Variants in MED13 observed in about 807,000 individuals in gnomAD.
MED13 encodes mediator of RNA polymerase II transcription subunit 13.
In MED13, 23 loss-of-function variants were observed where a neutral mutation model predicts 225.2. That is an observed-to-expected ratio of 0.10 (90% CI 0.07 to 0.14). The LOEUF (loss-of-function observed/expected upper bound fraction) is 0.14. Ranked by LOEUF, MED13 falls within the 10% of genes least tolerant of loss-of-function variation. The probability of loss-of-function intolerance (pLI) is 1.00; values close to 1 mark genes in which losing one functional copy is unlikely to be tolerated. For missense variants in MED13, 2,197 were observed against 2,594.5 expected, an observed-to-expected ratio of 0.85 and a Z score of 3.33; for synonymous variants, 942 against 889.2, an observed-to-expected ratio of 1.06 and a Z score of -1.06.
chr17:61,996,063 G>A (rs2080344345), intron 9 of MED13, among the ~76,000 whole-genome samples: 1 of 152,104 alleles, frequency 6.6e-6, no homozygotes, highest in Admixed American at 6.6e-5. Context: ...AATGACAGGA[G>A]ATGACAGAAT....
chr17:62,013,953 C>T (rs965290077), intron 8 of MED13, among the ~76,000 whole-genome samples: 22 of 152,050 alleles, frequency 1.4e-4, no homozygotes, highest in Admixed American at 1.1e-3. Flanking sequence ...GCAGAAGAAT[C>T]GCTTCAACCC....
chr17:62,034,156 T>C (rs72843787), intron 4 of MED13, among the ~76,000 whole-genome samples, 172 bp from the exon 5 acceptor site: 5 of 152,310 alleles, frequency 3.3e-5, no homozygotes, highest in Non-Finnish European at 7.3e-5. Flanking sequence ...GAAGATAAAG[T>C]ATGACACTGA....
At position 62,025,641 on chromosome 17, in the gene MED13, G is replaced by A. The variant is rs552916141; in HGVS notation, c.1283+3900C>T. 2.0e-5 allele frequency among the ~76,000 whole-genome samples: 3 copies of A among 152,294 alleles called. No individual in the cohort carries two copies. The East Asian group carries it at 5.8e-4, about 29-fold the overall frequency. The stretch of plus-strand genomic sequence containing the variant: ...GCCGAGATCACACCATTGCACTCCT[G>A]TCTGCGAGATATCGTCTCAAACAAA... On this transcript the variant is annotated intron_variant, in intron 8 of 29. Coordinates refer to ENST00000397786, the MANE Select transcript of MED13 (RefSeq NM_005121.3).
intron 16 of MED13, among the ~76,000 whole-genome samples, chr17:61,974,804 G>C (rs1408410394): frequency 6.6e-6 from 1 of 151,976 alleles, no homozygotes; most frequent in African/African-American, 2.4e-5. Flanking sequence ...CTAAATATAA[G>C]AGCTAAAACT....
rs778769358 is a variant in MED13, at chr17:61,982,673, G to A, written c.3330C>T (p.Tyr1110=). 1 of 1,614,174 alleles carries A rather than the reference G, an allele frequency of 6.2e-7. No homozygotes were observed. The highest frequency in any genetic ancestry group is 8.5e-7 in the Non-Finnish European group (1 of 1,180,030). The part of the protein sequence containing the change: ...MNIKGADVGV[Y]IPDPTQEAQY... ...GTGCTTCCTGCGTTGGATCTGGAAT[G>A]TAAACTCCAACATCGGCACCCTTGA... The change falls in exon 16 of 30, where the codon TAC becomes TAT. Residue 1110 remains tyrosine (Y), a synonymous_variant. Coordinates refer to ENST00000397786, the MANE Select transcript of MED13 (RefSeq NM_005121.3).
intron 16 of MED13, among the ~76,000 whole-genome samples, chr17:61,977,336 C>T (rs1046129097): frequency 2.0e-5 from 3 of 152,190 alleles, no homozygotes; most frequent in Non-Finnish European, 4.4e-5. Flanking sequence ...ATCTGGAAAA[C>T]GAGTATCCAA....
intron 17 of MED13, among the ~76,000 whole-genome samples, chr17:61,970,290 A>G (rs1252043403): frequency 3.9e-5 from 6 of 152,182 alleles, no homozygotes; most frequent in African/African-American, 1.4e-4. Flanking sequence ...AATCTCTCAA[A>G]CTATAATGGG....
chr17:61,996,573 A>G (rs2080348717), intron 9 of MED13, among the ~76,000 whole-genome samples: 1 of 151,772 alleles, frequency 6.6e-6, no homozygotes, highest in Admixed American at 6.6e-5. Flanking sequence ...ATTCCTGGCT[A>G]TTTCTTTTAT....
intron 28 of MED13, among the ~76,000 whole-genome samples, chr17:61,948,262 T>C (rs957319831): frequency 2.6e-5 from 4 of 152,128 alleles, no homozygotes; most frequent in African/African-American, 7.2e-5. Context: ...CCTTAGGTGA[T>C]AGTTCATAAC....
chr17:62,057,234 TTA>T lies in MED13; in HGVS notation c.302-4531_302-4530del, dbSNP rs370272528. ...TATTTCCTGAAATAAAGAGAAATGT[TTA>T]AATGCTAGATCAGTGTTTCTCCTGA... On this transcript the variant is annotated intron_variant, in intron 2 of 29. Coordinates refer to ENST00000397786, the MANE Select transcript of MED13 (RefSeq NM_005121.3). Among the ~76,000 whole-genome samples the T allele has an allele frequency of 5.8e-3, 881 of 152,254 alleles. 7 individuals are homozygous for T. The highest frequency in any genetic ancestry group is 0.02 in the African/African-American group (831 of 41,568).
At chr17:62,055,472 A>G (rs766807973) in intron 2 of MED13, among the ~76,000 whole-genome samples, 35 of 152,156 alleles carry the variant, frequency 2.3e-4, no homozygotes, top group Non-Finnish European at 4.3e-4. Flanking sequence ...TGAAAATTTT[A>G]TGGTTTTATT....
chr17:61,998,834 A>G (rs1432896910), intron 9 of MED13, among the ~76,000 whole-genome samples: 3 of 151,522 alleles, frequency 2.0e-5, no homozygotes, highest in African/African-American at 7.3e-5. Context: ...CCTGGGCTCA[A>G]GTGATCCTCC....
chr17:62,022,174 A>AAAATAT (rs1555640205), intron 8 of MED13, among the ~76,000 whole-genome samples: 3 of 141,320 alleles, frequency 2.1e-5, no homozygotes, highest in African/African-American at 7.9e-5. Context: ...TCAAAAAAAA[A>AAAATAT]ATATATATAT....
At chr17:62,065,071 C>G in intron 1 of MED13, 69 bp downstream of exon 1, 3 of 1,396,510 alleles carry the variant, frequency 2.1e-6, no homozygotes, top group Non-Finnish European at 2.9e-6. Flanking sequence ...GACCCGGCCC[C>G]CTCCCCCACG....
In MED13 at chr17:61,982,298, T is replaced by A. The variant is rs371892509; in HGVS notation, c.3705A>T (p.Ala1235=). The A allele has an allele frequency of 6.2e-7, 1 of 1,614,248 alleles. No homozygotes were observed. The highest frequency in any genetic ancestry group is 8.5e-7 in the Non-Finnish European group (1 of 1,180,044). Reference sequence around the variant, plus strand: ...CCATGAACTGACGCCCATGTTCTAATGCAAGGTAGCAGTCATTGCAACAGT... The same window carrying A: ...CCATGAACTGACGCCCATGTTCTAAAGCAAGGTAGCAGTCATTGCAACAGT... ...ERDCCNDCYL[A]LEHGRQFMDN... Residue 1235 remains alanine, a synonymous_variant, in exon 16 of 30, where the codon GCA becomes GCT. Transcript: ENST00000397786.
chr17:62,029,673 T>C, intron 7 of MED13, 22 bp from the exon 8 acceptor site: 9 of 1,586,526 alleles, frequency 5.7e-6, no homozygotes, highest in Non-Finnish European at 7.7e-6. Context: ...AGTTACAAAA[T>C]TCTTTAAAAT....
intron 9 of MED13, 160 bp downstream of exon 9, chr17:62,010,390 C>T (rs1441754372): frequency 8.8e-6 from 4 of 453,844 alleles, no homozygotes; most frequent in Non-Finnish European, 1.5e-5. Context: ...TGAAGAAGTT[C>T]CCTGAGGAAA....
chr17:61,992,692 G>C (rs549133129), intron 10 of MED13, 71 bp from the exon 11 acceptor site: 1 of 1,071,268 alleles, frequency 9.3e-7, no homozygotes, highest in African/African-American at 1.6e-5. Context: ...AATTATTGAG[G>C]AGCTGTGTGT....
chr17:62,002,162 C>T (rs2080400766), intron 9 of MED13, among the ~76,000 whole-genome samples: 2 of 152,220 alleles, frequency 1.3e-5, no homozygotes, highest in Middle Eastern at 3.4e-3. Context: ...ATTGTAAGTG[C>T]TTCCAGAAAG....
Sources: gnomAD v4.1 joint callset for allele counts (sites outside exome capture counted in the v4.1 genomes callset) on GRCh38, gnomAD v4.1.1 for gene constraint, MANE v1.5 for transcripts, NCBI Gene and HGNC (gene_info 2026-07-23, HGNC 2026-07-21) for gene names.